Variants in IGSF21 observed in about 807,000 individuals in gnomAD.
IGSF21 encodes immunoglobulin superfamily member 21.
Under a neutral mutation model 46.8 loss-of-function variants are expected in IGSF21, and 28 were observed. The observed-to-expected ratio is 0.60, with a 90% CI of 0.44 to 0.82. The LOEUF (loss-of-function observed/expected upper bound fraction) is 0.82, where lower values mean the gene tolerates loss of function less well. Among genes scored for constraint, IGSF21 ranks in the 40% least tolerant of loss-of-function variants. The probability of loss-of-function intolerance (pLI) is 0.00; values close to 1 mark genes in which losing one functional copy is unlikely to be tolerated. For missense variants in IGSF21, 624 were observed against 665.5 expected (o/e 0.94, Z 0.69); for synonymous variants, 284 against 273.6 (o/e 1.04, Z -0.38).
At chr1:18,294,412 A>G (rs2085294094) in intron 3 of IGSF21, among the ~76,000 whole-genome samples, 1 of 152,198 alleles carries the variant, frequency 6.6e-6, no homozygotes, top group Non-Finnish European at 1.5e-5. Flanking sequence ...TTCTGTTTTG[A>G]TCTGCACAAA....
intron 4 of IGSF21, among the ~76,000 whole-genome samples, chr1:18,354,223 G>T (rs546789673): frequency 2.0e-5 from 3 of 152,328 alleles, no homozygotes; most frequent in Admixed American, 2.0e-4. Context: ...TTAATTAGCA[G>T]AAGGCCCAGT....
chr1:18,352,018 G>A (rs2085962331), intron 4 of IGSF21, among the ~76,000 whole-genome samples: 1 of 152,196 alleles, frequency 6.6e-6, no homozygotes, highest in African/African-American at 2.4e-5. Context: ...ACATTGACAA[G>A]TAGCCGATCA....
intron 1 of IGSF21, among the ~76,000 whole-genome samples, chr1:18,116,416 C>T (rs1487135467): frequency 6.6e-6 from 1 of 152,232 alleles, no homozygotes; most frequent in African/African-American, 2.4e-5. Context: ...AAGACACTCG[C>T]TGTCTGAGTC....
At chr1:18,345,396 T>C (rs1211285195) in intron 4 of IGSF21, among the ~76,000 whole-genome samples, 4 of 152,158 alleles carry the variant, frequency 2.6e-5, no homozygotes, top group Non-Finnish European at 4.4e-5. Flanking sequence ...TTTTTATTTA[T>C]TTATTTGAGA....
chr1:18,342,070 T>TTG (rs1435639966), intron 4 of IGSF21, among the ~76,000 whole-genome samples: 27 of 111,874 alleles, frequency 2.4e-4, no homozygotes, highest in African/African-American at 8.1e-4. Flanking sequence ...TTTTTTTTTG[T>TTG]TTGTTTGTTT....
chr1:18,344,658 G>C (rs774121745), intron 4 of IGSF21, among the ~76,000 whole-genome samples: 1 of 152,130 alleles, frequency 6.6e-6, no homozygotes, highest in Non-Finnish European at 1.5e-5. Context: ...CCATACAATG[G>C]TGTGTATGGT....
At chr1:18,181,531 G>A (rs2086858424) in intron 1 of IGSF21, among the ~76,000 whole-genome samples, 1 of 152,172 alleles carries the variant, frequency 6.6e-6, no homozygotes, top group Admixed American at 6.5e-5. Context: ...GTGACCTGTG[G>A]TCAGGTCCCA....
At chr1:18,220,356 T>A (rs568567475) in intron 1 of IGSF21, among the ~76,000 whole-genome samples, 1 of 152,132 alleles carries the variant, frequency 6.6e-6, no homozygotes, top group East Asian at 1.9e-4. Context: ...TCCAAGCAGA[T>A]GTGGTCAGAG....
intron 1 of IGSF21, chr1:18,179,154 G>A (rs552648246): frequency 3.0e-4 from 45 of 152,306 alleles, no homozygotes; most frequent in African/African-American, 6.5e-4. Flanking sequence ...TGGTCACCTC[G>A]TTCCTGTCCA....
At chr1:18,327,024 G>A (rs1442163749) in intron 3 of IGSF21, among the ~76,000 whole-genome samples, 4 of 152,158 alleles carry the variant, frequency 2.6e-5, no homozygotes, top group Admixed American at 6.5e-5. Flanking sequence ...TAATCTGGGC[G>A]AAGATTAAAA....
At chr1:18,281,288 G>C (rs1320780576) in intron 2 of IGSF21, among the ~76,000 whole-genome samples, 3 of 141,722 alleles carry the variant, frequency 2.1e-5, no homozygotes, top group Non-Finnish European at 3.1e-5. Flanking sequence ...TGCCGGGCAT[G>C]GTGGCTCATG....
chr1:18,111,475 A>G (rs1354572763), intron 1 of IGSF21: 1 of 152,204 alleles, frequency 6.6e-6, no homozygotes, highest in Non-Finnish European at 1.5e-5. Flanking sequence ...CCCTCCTAAA[A>G]TCCCAATACC....
chr1:18,139,358 C>T (rs950460002), intron 1 of IGSF21, among the ~76,000 whole-genome samples: 6 of 152,238 alleles, frequency 3.9e-5, no homozygotes, highest in Middle Eastern at 3.4e-3. Context: ...GAGCTGTCTA[C>T]GTCACACGAT....
At chr1:18,316,180 A>C (rs1011421590) in intron 3 of IGSF21, among the ~76,000 whole-genome samples, 2 of 152,138 alleles carry the variant, frequency 1.3e-5, no homozygotes, top group African/African-American at 4.8e-5. Flanking sequence ...GGGCTTTGCC[A>C]GGCGATGATG....
intron 3 of IGSF21, among the ~76,000 whole-genome samples, chr1:18,328,715 A>G (rs1436219653): frequency 6.6e-6 from 1 of 152,224 alleles, no homozygotes; most frequent in African/African-American, 2.4e-5. Context: ...GCAAAAGTCA[A>G]ATATTGGATC....
intron 3 of IGSF21, among the ~76,000 whole-genome samples, chr1:18,328,461 T>TA (rs1411721935): frequency 2.6e-5 from 4 of 152,318 alleles, no homozygotes; most frequent in East Asian, 1.9e-4. Context: ...CTGTCTTAAG[T>TA]AAAAAAATCG....
At chr1:18,213,694 G>A (rs769091257) in intron 1 of IGSF21, among the ~76,000 whole-genome samples, 1 of 152,214 alleles carries the variant, frequency 6.6e-6, no homozygotes, top group African/African-American at 2.4e-5. Flanking sequence ...CACAGAGCAA[G>A]GACCATGTAC....
rs114747432 is a variant in IGSF21, at chr1:18,239,493, C to G, written c.183+11483C>G. Among the ~76,000 whole-genome samples the G allele has an allele frequency of 3.1e-3, 474 of 152,258 alleles. 3 individuals are homozygous for G. Among genetic ancestry groups the G allele is most frequent in the African/African-American group, 0.011 (447 of 41,558 alleles). The stretch of plus-strand genomic sequence containing the variant: ...AAGAGCTTCTCATCACCTGAAAGAC[C>G]AAGTTCAAGGTCATTGGCCCAGCAT... On this transcript the variant is annotated intron_variant, in intron 2 of 9. Transcript: ENST00000251296.
intron 1 of IGSF21, among the ~76,000 whole-genome samples, chr1:18,158,210 T>G (rs1386604699): frequency 6.6e-6 from 1 of 152,072 alleles, no homozygotes; most frequent in African/African-American, 2.4e-5. Context: ...CCCCCTGCCA[T>G]GGCACCCCTG....
Sources: gnomAD v4.1 joint callset for allele counts (sites outside exome capture counted in the v4.1 genomes callset) on GRCh38, gnomAD v4.1.1 for gene constraint, MANE v1.5 for transcripts, NCBI Gene and HGNC (gene_info 2026-07-23, HGNC 2026-07-21) for gene names.